The following GALC variants were observed in gnomAD, a reference collection of about 807,000 sequenced individuals.
The protein encoded by GALC is galactosylceramidase, also known as galactocerebrosidase.
In GALC, 77 loss-of-function variants were observed where a neutral mutation model predicts 91.8. The observed-to-expected ratio is 0.84, with a 90% CI of 0.70 to 1.01. GALC has a LOEUF of 1.01. Among genes scored for constraint, GALC ranks in the 50% least tolerant of loss-of-function variants. The pLI is 0.00. For synonymous variants in GALC, 357 were observed against 306.7 expected, an observed-to-expected ratio of 1.16 and a Z score of -1.71; for missense variants, 882 against 855.9, an observed-to-expected ratio of 1.03 and a Z score of -0.38.
intron 10 of GALC, chr14:87,954,332 T>C (rs1266762092): frequency 7.5e-6 from 12 of 1,599,510 alleles, no homozygotes; most frequent in East Asian, 2.2e-5. Flanking sequence ...TATACAGTTA[T>C]AGAGGACAGA....
chr14:87,978,892 T>C, intron 6 of GALC, among the ~76,000 whole-genome samples: 1 of 152,066 alleles, frequency 6.6e-6, no homozygotes, highest in East Asian at 1.9e-4. Context: ...TCCTTTGTAT[T>C]ATATTTATTT....
rs771232832 is a variant in GALC, at chr14:87,950,711, G to A, written c.1199C>T (p.Pro400Leu). The A allele has an allele frequency of 6.8e-6, 11 of 1,606,364 alleles. No homozygotes were observed. Among genetic ancestry groups the A allele is most frequent in the African/African-American group, 6.8e-5 (5 of 74,044 alleles). ...AAATTGTTGTGACACATTGAAATAA[G>A]GAAGAAATGGCCGTATGCACTTAGA... ...KHSKCIRPFL[P>L]YFNVSQQFAT... The change falls in exon 11 of 17, where the codon CCT becomes CTT. Residue 400 changes from proline (P) to leucine (L), a missense_variant. Transcript: ENST00000261304.
intron 9 of GALC, among the ~76,000 whole-genome samples, 169 bp from the exon 10 acceptor site, chr14:87,963,680 A>C (rs937939956): frequency 1.3e-5 from 2 of 152,108 alleles, no homozygotes; most frequent in Non-Finnish European, 2.9e-5. Flanking sequence ...TTAAATAATT[A>C]ATCTAGATAA....
chr14:87,969,546 C>T (rs538992687), intron 7 of GALC, among the ~76,000 whole-genome samples: 1 of 152,186 alleles, frequency 6.6e-6, no homozygotes, highest in South Asian at 2.1e-4. Flanking sequence ...TAAGAGAGCA[C>T]ACTAGCTAAA....
intron 10 of GALC, 89 bp downstream of exon 10, chr14:87,963,295 T>C: frequency 7.2e-7 from 1 of 1,384,098 alleles, no homozygotes; most frequent in Non-Finnish European, 1.0e-6. Context: ...CTTATGTATT[T>C]ACATGTAAAA....
At chr14:87,940,310 T>C (rs897442219) in intron 15 of GALC, among the ~76,000 whole-genome samples, 11 of 152,044 alleles carry the variant, frequency 7.2e-5, no homozygotes, top group Admixed American at 5.3e-4. Flanking sequence ...CATGACTGGA[T>C]TGAATATGGA....
chr14:87,945,838 A>G (rs1393699319), intron 13 of GALC, 105 bp from the exon 14 acceptor site: 3 of 848,788 alleles, frequency 3.5e-6, no homozygotes, highest in Non-Finnish European at 5.6e-6. Flanking sequence ...GCTTTTAAAT[A>G]AATAAATAAA....
chr14:87,950,461 A>T (rs1301385281), intron 11 of GALC, among the ~76,000 whole-genome samples, 198 bp downstream of exon 11: 2 of 151,904 alleles, frequency 1.3e-5, no homozygotes, highest in Non-Finnish European at 2.9e-5. Context: ...AAAGTCACAG[A>T]GCATTTTACC....
intron 11 of GALC, 75 bp downstream of exon 11, chr14:87,950,584 A>G (rs371460286): frequency 5.5e-6 from 5 of 916,450 alleles, no homozygotes; most frequent in Non-Finnish European, 5.3e-6. Context: ...GGCTTCACTT[A>G]AGAACTACTG....
intron 10 of GALC, among the ~76,000 whole-genome samples, chr14:87,961,573 AT>A (rs1885807062): frequency 1.3e-5 from 2 of 152,176 alleles, no homozygotes; most frequent in South Asian, 4.1e-4. Flanking sequence ...CCCCGCAAAT[AT>A]TTTAAAGTGA....
At chr14:87,966,339 C>G (rs1461768315) in intron 8 of GALC, among the ~76,000 whole-genome samples, 1 of 152,082 alleles carries the variant, frequency 6.6e-6, no homozygotes, top group African/African-American at 2.4e-5. Flanking sequence ...CCCTAACAGT[C>G]CAGAGCAGGT....
At chr14:87,968,185 G>C in intron 8 of GALC, 150 bp downstream of exon 8, 2 of 622,438 alleles carry the variant, frequency 3.2e-6, no homozygotes, top group Non-Finnish European at 5.7e-6. Context: ...TATAGATTAG[G>C]TATAGGTATA....
upstream of GALC, chr14:87,993,620 G>C: frequency 1.5e-6 from 1 of 686,800 alleles, no homozygotes; most frequent in Non-Finnish European, 2.5e-6. Context: ...GAGATGAGGC[G>C]AGAAGAGCAG....
chr14:87,982,459 T>G (rs1886791131), intron 5 of GALC, among the ~76,000 whole-genome samples: 1 of 152,102 alleles, frequency 6.6e-6, no homozygotes. Flanking sequence ...CTTAAAATAT[T>G]TAGTGGGTAT....
intron 13 of GALC, among the ~76,000 whole-genome samples, chr14:87,946,182 A>G (rs868383383): frequency 1.1e-4 from 16 of 152,200 alleles, no homozygotes; most frequent in Middle Eastern, 6.8e-3. Flanking sequence ...ATTATTTCTA[A>G]TATCTGTCAA....
At chr14:87,988,701 G>A (rs1465649323) in intron 1 of GALC, among the ~76,000 whole-genome samples, 178 bp from the exon 2 acceptor site, 1 of 151,768 alleles carries the variant, frequency 6.6e-6, no homozygotes, top group African/African-American at 2.4e-5. Flanking sequence ...TGGGCAAGTA[G>A]GGCTGCTGTC....
chr14:87,936,922 T>A (rs866187432), intron 16 of GALC, among the ~76,000 whole-genome samples: 31 of 17,676 alleles, frequency 1.8e-3, no homozygotes, highest in East Asian at 4.8e-3. Context: ...ATTTATTTAT[T>A]TTCTCATTGA....
In GALC at chr14:87,969,656, T is replaced by C. The variant is rs72629372; in HGVS notation, c.753-1166A>G. Among the ~76,000 whole-genome samples the C allele has an allele frequency of 8.1e-3, 1,241 of 152,328 alleles. 54 individuals carry two copies. The East Asian group carries it at 0.12, about 15-fold the overall frequency. On this transcript the variant is annotated intron_variant, in intron 7 of 16. Coordinates refer to ENST00000261304, the MANE Select transcript of GALC (RefSeq NM_000153.4). ...AGATTAAGTTATATCATAATTCTAA[T>C]CTTTGTAGTTTGGTGTAGTAGTATT...
chr14:87,988,150 T>C lies in GALC; in HGVS notation c.322A>G (p.Thr108Ala). 2 of 1,613,580 alleles carry C rather than the reference T, an allele frequency of 1.2e-6. No homozygotes were observed. Among genetic ancestry groups the C allele is most frequent in the South Asian group, 1.1e-5 (1 of 91,082 alleles). Residue 108 changes from threonine to alanine, a missense_variant, in exon 3 of 17, where the codon ACA becomes GCA. Thr to Ala is a moderately conservative substitution (Grantham distance 58, BLOSUM62 0). Coordinates refer to ENST00000261304, the MANE Select transcript of GALC (RefSeq NM_000153.4). ...LKVEIGGDGQTTDGTEPSHMH... is the reference protein window; with the variant it reads ...LKVEIGGDGQATDGTEPSHMH... ...ATCTCCCAAATTCTCCTACCTGTTG[T>C]CTGCCCATCACCACCTATTTCCACT... is the stretch of plus-strand genomic sequence containing the variant.
Sources: allele counts gnomAD v4.1 joint callset (sites outside exome capture counted in the v4.1 genomes callset), GRCh38; gene constraint gnomAD v4.1.1; transcripts MANE v1.5; gene names NCBI Gene and HGNC (gene_info 2026-07-23, HGNC 2026-07-21).